The following STAG2 variants were observed in gnomAD, a reference collection of about 807,000 sequenced individuals.
STAG2 encodes cohesin subunit SA-2.
STAG2 carries 14 observed loss-of-function variants against 108.1 expected under a neutral mutation model. That is an observed-to-expected ratio of 0.13 (90% CI 0.09 to 0.20). The LOEUF is 0.20. Among genes scored for constraint, STAG2 ranks in the 10% least tolerant of loss-of-function variants. The probability of loss-of-function intolerance (pLI) is 1.00; values close to 1 mark genes in which losing one functional copy is unlikely to be tolerated. For missense variants in STAG2, 440 were observed against 940.9 expected, an observed-to-expected ratio of 0.47 and a Z score of 6.96; for synonymous variants, 307 against 302.7, an observed-to-expected ratio of 1.01 and a Z score of -0.15.
Position 124,086,467 on chromosome X carries a change from T to C in STAG2, c.3054-80T>C, listed in dbSNP as rs979516337. 18 of 741,892 alleles carry C rather than the reference T, an allele frequency of 2.4e-5. 1 individual carries two copies. The African/African-American group carries it at 2.5e-4, about 10-fold the overall frequency. 61.1% of individuals were successfully genotyped at this position (741,892 alleles called of 1,213,427 possible). On this transcript the variant is annotated intron_variant, in intron 29 of 34. Coordinates refer to ENST00000371145, the MANE Select transcript of STAG2 (RefSeq NM_001042750.2). ...GCTGAGTTTGAGTAGTGAAGTAATA[T>C]GCCTATGCTCGCACAACTATGAGTT...
At chrX:124,061,903 CT>C (rs1246776581) in intron 17 of STAG2, 29 bp downstream of exon 17, 1 of 1,004,172 alleles carries the variant, frequency 1.0e-6, no homozygotes, top group East Asian at 3.2e-5. Context: ...TTTCAATATT[CT>C]AAACTCCATT....
chrX:124,004,740 T>C (rs765481977), intron 1 of STAG2, among the ~76,000 whole-genome samples: 37 of 112,082 alleles, frequency 3.3e-4, no homozygotes, highest in Non-Finnish European at 6.2e-4. Flanking sequence ...CTTTGCTTTT[T>C]ACTTTTTTTT....
At chrX:124,098,342 G>A (rs6655716) in intron 34 of STAG2, among the ~76,000 whole-genome samples, 17,615 of 110,301 alleles carry the variant, frequency 0.16, 1,156 homozygotes, top group South Asian at 0.36. Context: ...AGGCTTAGGT[G>A]TCTTTAGAAG....
Position 124,066,169 on chromosome X carries a change from T to TTTAAA in STAG2, c.2097-5_2097-4insTAAAT. On this transcript the variant is annotated splice_polypyrimidine_tract_variant and splice_region_variant and intron_variant, in intron 21 of 34. Transcript: ENST00000371145. ...TTTTTTTTTTTTTTTTTTTTTTTTT[T>TTTAAA]TACAGTGCCCATGACCTTTCAAAGT... The TTTAAA allele has an allele frequency of 2.0e-6, 2 of 987,402 alleles. No individual in the cohort carries two copies. Among genetic ancestry groups the TTTAAA allele is most frequent in the Non-Finnish European group, 2.7e-6 (2 of 750,014 alleles). The allele number at this position is 987,402 out of a possible 1,213,427, so 81.4% of individuals were successfully genotyped here. A position where few individuals can be genotyped will look rare whatever the true frequency, so the allele number is the denominator to read the frequency against.
At chrX:123,991,094 T>A (rs2055437784) in intron 1 of STAG2, among the ~76,000 whole-genome samples, 1 of 112,040 alleles carries the variant, frequency 8.9e-6, no homozygotes. Context: ...ATACTTTAAA[T>A]TCACTGGGGG....
chrX:124,088,717 C>T (rs1332880725), intron 30 of STAG2, among the ~76,000 whole-genome samples: 2 of 105,545 alleles, frequency 1.9e-5, no homozygotes, highest in South Asian at 4.2e-4. Flanking sequence ...CTTGTTCAAG[C>T]GATTCTCCTG....
At chrX:124,058,112 C>T (rs2058263772) in intron 15 of STAG2, 135 bp downstream of exon 15, 3 of 290,103 alleles carry the variant, frequency 1.0e-5, no homozygotes, top group Non-Finnish European at 1.2e-5. Context: ...CACTCCCCCA[C>T]TCCCCCAATT....
chrX:124,019,052 C>CTTT (rs751161706), intron 1 of STAG2, among the ~76,000 whole-genome samples: 26 of 79,882 alleles, frequency 3.3e-4, no homozygotes, highest in South Asian at 6.1e-4. Flanking sequence ...ATTTAGCACT[C>CTTT]TTTTTTTTTT....
intron 1 of STAG2, among the ~76,000 whole-genome samples, chrX:124,013,136 T>C (rs1184576488): frequency 8.9e-6 from 1 of 111,735 alleles, no homozygotes; most frequent in African/African-American, 3.3e-5. Context: ...AAATTTGATT[T>C]TTGGATCTGG....
chrX:123,988,120 AGAT>A (rs2055283227), intron 1 of STAG2, among the ~76,000 whole-genome samples: 1 of 112,004 alleles, frequency 8.9e-6, no homozygotes, highest in African/African-American at 3.2e-5. Flanking sequence ...GAGAAAACCA[AGAT>A]GATATATTTC....
rs1173731331 is a variant in STAG2, at chrX:124,100,556, C to T, written c.3784-18C>T. ...ATGACTTTTAACGAGATTTTCTCCC[C>T]TCTCTCTCTCTCATTAGGTTCTTGG... On this transcript the variant is annotated intron_variant, in intron 34 of 34. Transcript: ENST00000371145. The T allele has an allele frequency of 9.0e-7, 1 of 1,113,703 alleles. No individual in the cohort carries two copies. Among genetic ancestry groups the T allele is most frequent in the African/African-American group, 1.8e-5 (1 of 54,951 alleles). The allele number at this position is 1,113,703 out of a possible 1,213,427, so 91.8% of individuals were successfully genotyped here. A position where few individuals can be genotyped will look rare whatever the true frequency, so the allele number is the denominator to read the frequency against.
In STAG2 at chrX:124,027,066, G is replaced by A. The variant is rs186494574; in HGVS notation, c.123+1148G>A. Among the ~76,000 whole-genome samples, 578 of 110,713 alleles carry A rather than the reference G, an allele frequency of 5.2e-3. 1 individual carries two copies. Among genetic ancestry groups the A allele is most frequent in the Non-Finnish European group, 8.8e-3 (465 of 52,889 alleles). Reference sequence around the variant, plus strand: ...CCACAGGCCTGTGCCACGATGCCTGGCTTCTCTGTAATTCCTTTTATTTTT... The same window carrying A: ...CCACAGGCCTGTGCCACGATGCCTGACTTCTCTGTAATTCCTTTTATTTTT... On this transcript the variant is annotated intron_variant, in intron 4 of 34. Transcript: ENST00000371145.
chrX:123,994,481 A>G (rs1455865360), intron 1 of STAG2, among the ~76,000 whole-genome samples: 6 of 112,115 alleles, frequency 5.4e-5, no homozygotes, highest in African/African-American at 1.9e-4. Flanking sequence ...GATTGATGGT[A>G]AAGTGCAGCT....
At chrX:124,030,163 A>T (rs1421549945) in intron 4 of STAG2, among the ~76,000 whole-genome samples, 1 of 111,882 alleles carries the variant, frequency 8.9e-6, no homozygotes. Context: ...TACAAATAAA[A>T]TGTTGAACTG....
chrX:124,042,946 C>T (rs760209443), intron 7 of STAG2, among the ~76,000 whole-genome samples: 161 of 104,331 alleles, frequency 1.5e-3, no homozygotes, highest in Non-Finnish European at 2.3e-3. Context: ...ACCTGGGAGG[C>T]GGAGGTTGCA....
At chrX:124,048,480 G>A (rs915667196) in intron 9 of STAG2, among the ~76,000 whole-genome samples, 3 of 111,554 alleles carry the variant, frequency 2.7e-5, no homozygotes, top group African/African-American at 9.8e-5. Context: ...TGTCTCCCAG[G>A]CTGGAGTACA....
chrX:124,061,157 T>C (rs2058365809), intron 15 of STAG2, 67 bp from the exon 16 acceptor site: 4 of 782,845 alleles, frequency 5.1e-6, no homozygotes, highest in Non-Finnish European at 7.3e-6. Flanking sequence ...CAATAAAGTT[T>C]CCATTCTTTT....
At chrX:124,098,259 C>T (rs2059431368) in intron 34 of STAG2, among the ~76,000 whole-genome samples, 1 of 111,088 alleles carries the variant, frequency 9.0e-6, no homozygotes, top group Admixed American at 9.7e-5. Context: ...AGCACATGTA[C>T]TTATAACTGT....
intron 15 of STAG2, among the ~76,000 whole-genome samples, chrX:124,059,507 A>G (rs2058318368): frequency 8.9e-6 from 1 of 112,229 alleles, no homozygotes; most frequent in African/African-American, 3.2e-5. Flanking sequence ...CTTCTGCATT[A>G]CTTGAGATGA....
Sources: gnomAD v4.1 joint callset for allele counts (sites outside exome capture counted in the v4.1 genomes callset) on GRCh38, gnomAD v4.1.1 for gene constraint, MANE v1.5 for transcripts, NCBI Gene and HGNC (gene_info 2026-07-23, HGNC 2026-07-21) for gene names.